SHISA9: variants seen among roughly 807,000 people sequenced by gnomAD.
SHISA9 encodes the protein shisa family member 9, also known as protein shisa-9.
Under a neutral mutation model 38.0 loss-of-function variants are expected in SHISA9, and 13 were observed. The ratio of observed to expected loss-of-function variants is 0.34; its 90% CI spans 0.22 to 0.54. The LOEUF is 0.54. Ranked by LOEUF, SHISA9 falls within the 20% of genes least tolerant of loss-of-function variation. SHISA9 has a pLI of 0.91. For missense variants in SHISA9, 538 were observed against 575.8 expected, an observed-to-expected ratio of 0.93 and a Z score of 0.67; for synonymous variants, 275 against 242.0, an observed-to-expected ratio of 1.14 and a Z score of -1.27.
intron 2 of SHISA9, among the ~76,000 whole-genome samples, chr16:13,175,307 C>A (rs1002822425): frequency 3.9e-5 from 6 of 152,098 alleles, no homozygotes; most frequent in African/African-American, 1.4e-4. Flanking sequence ...GAGGATCGCT[C>A]AAGTCCAGGA....
At chr16:13,219,280 C>T (rs2142071942) in intron 4 of SHISA9, among the ~76,000 whole-genome samples, 1 of 152,324 alleles carries the variant, frequency 6.6e-6, no homozygotes, top group Admixed American at 6.5e-5. Context: ...GTGACACTCA[C>T]AGCACACACA....
At chr16:13,387,331 G>C in the SHISA9 span, among the ~76,000 whole-genome samples, 1 of 152,088 alleles carries the variant, frequency 6.6e-6, no homozygotes, top group Admixed American at 6.6e-5. Context: ...AATATAACTT[G>C]TGTTCTTATC....
chr16:12,938,392 A>G (rs532938322), intron 2 of SHISA9, among the ~76,000 whole-genome samples: 6 of 152,176 alleles, frequency 3.9e-5, no homozygotes, highest in South Asian at 2.1e-4. Flanking sequence ...TAATCGATCT[A>G]TCTGTTTCTT....
chr16:13,264,128 C>T, the SHISA9 span, among the ~76,000 whole-genome samples: 1 of 150,976 alleles, frequency 6.6e-6, no homozygotes, highest in Non-Finnish European at 1.5e-5. Context: ...TCTGCTTCTA[C>T]AACTCAATAG....
intron 2 of SHISA9, among the ~76,000 whole-genome samples, chr16:12,988,711 G>C (rs923651701): frequency 6.6e-6 from 1 of 152,022 alleles, no homozygotes; most frequent in African/African-American, 2.4e-5. Context: ...TTTTAGTAGA[G>C]ACAGGGTTTC....
chr16:13,440,874 A>G, the SHISA9 span, among the ~76,000 whole-genome samples: 1 of 151,890 alleles, frequency 6.6e-6, no homozygotes, highest in African/African-American at 2.4e-5. Flanking sequence ...GTGAGCTGAG[A>G]TCGTGCCACT....
chr16:13,292,853 G>A, the SHISA9 span, among the ~76,000 whole-genome samples: 1,685 of 152,214 alleles, frequency 0.011, 33 homozygotes, highest in African/African-American at 0.038. Context: ...TTGAATGAGG[G>A]CACTGCTTCC....
rs201195068 is a variant in SHISA9 at position 12,938,505 on chromosome 16, T to TC, written c.691+21690_691+21691insC. Among the ~76,000 whole-genome samples, 871 of 149,668 alleles carry TC rather than the reference T, an allele frequency of 5.8e-3. 3 individuals are homozygous for TC. Among genetic ancestry groups the TC allele is most frequent in the Middle Eastern group, 0.035 (10 of 288 alleles). On this transcript the variant is annotated intron_variant, in intron 2 of 4. Coordinates refer to ENST00000558583, the MANE Select transcript of SHISA9 (RefSeq NM_001145204.3). ...GGCTAATTCTCTCTCTCTCTCTCTC[T>TC]TTTTTTTTTGAGATGGAGTTTCACT... is the stretch of plus-strand genomic sequence containing the variant.
intron 2 of SHISA9, among the ~76,000 whole-genome samples, chr16:12,958,852 C>T (rs1475439876): frequency 1.3e-5 from 2 of 152,078 alleles, no homozygotes; most frequent in Non-Finnish European, 2.9e-5. Context: ...AACAAATACT[C>T]CCCCCACCCC....
At chr16:12,914,011 G>A (rs1015807564) in intron 1 of SHISA9, among the ~76,000 whole-genome samples, 2 of 150,714 alleles carry the variant, frequency 1.3e-5, no homozygotes, top group Non-Finnish European at 3.0e-5. Flanking sequence ...TTGATTTGCA[G>A]CCCTCGTTTA....
At chr16:13,064,431 C>G (rs550959692) in intron 2 of SHISA9, among the ~76,000 whole-genome samples, 1 of 152,074 alleles carries the variant, frequency 6.6e-6, no homozygotes, top group Non-Finnish European at 1.5e-5. Context: ...CACTGACAAA[C>G]CTGCACATGT....
At chr16:13,167,019 G>C (rs1341386856) in intron 2 of SHISA9, among the ~76,000 whole-genome samples, 2 of 150,392 alleles carry the variant, frequency 1.3e-5, no homozygotes, top group African/African-American at 4.9e-5. Flanking sequence ...TCCTTTAGGA[G>C]AATTTTTTTT....
At chr16:13,408,629 G>A in the SHISA9 span, among the ~76,000 whole-genome samples, 8 of 152,200 alleles carry the variant, frequency 5.3e-5, no homozygotes, top group Non-Finnish European at 1.0e-4. Flanking sequence ...ATCAAACTTA[G>A]GAAAAGCTCT....
chr16:13,276,425 G>T, the SHISA9 span, among the ~76,000 whole-genome samples: 1 of 152,058 alleles, frequency 6.6e-6, no homozygotes, highest in Non-Finnish European at 1.5e-5. Context: ...CCTCTGGGTA[G>T]ATAGCCAGTA....
chr16:13,397,939 C>T, the SHISA9 span, among the ~76,000 whole-genome samples: 32 of 152,130 alleles, frequency 2.1e-4, no homozygotes, highest in African/African-American at 7.7e-4. Context: ...AGCGGGGAGC[C>T]AGAAGGGAGA....
At chr16:12,942,275 C>G (rs553636325) in intron 2 of SHISA9, among the ~76,000 whole-genome samples, 1 of 152,260 alleles carries the variant, frequency 6.6e-6, no homozygotes, top group Admixed American at 6.5e-5. Flanking sequence ...GAAGTTGGTA[C>G]AAATGAGCTT....
At position 13,235,451 on chromosome 16, in the gene SHISA9, A is replaced by C. The variant is rs1323427287; in HGVS notation, c.*42A>C. 3.3e-6 allele frequency: 5 copies of C among 1,493,972 alleles called. No homozygotes were observed. Among genetic ancestry groups the C allele is most frequent in the Non-Finnish European group, 4.4e-6 (5 of 1,125,136 alleles). The allele number at this position is 1,493,972 out of a possible 1,614,324, so 92.5% of individuals were successfully genotyped here. On this transcript the variant is annotated 3_prime_UTR_variant, in exon 5 of 5. Transcript: ENST00000558583. ...GCACCCTGGAGACCACACTCAACTG[A>C]GAGAGGCAAAAAACAACCCCGCCCA...
chr16:13,115,142 T>G (rs2141971387), intron 2 of SHISA9, among the ~76,000 whole-genome samples: 1 of 152,354 alleles, frequency 6.6e-6, no homozygotes, highest in Non-Finnish European at 1.5e-5. Flanking sequence ...TCAGTTTTCT[T>G]GCCTGATTCC....
the SHISA9 span, among the ~76,000 whole-genome samples, chr16:13,481,061 C>G: frequency 1.5e-3 from 235 of 152,324 alleles, 4 homozygotes; most frequent in African/African-American, 5.6e-3. Context: ...GCTGGAAAGA[C>G]ACCAAAGAGT....
Sources: allele counts gnomAD v4.1 joint callset (sites outside exome capture counted in the v4.1 genomes callset), GRCh38; gene constraint gnomAD v4.1.1; transcripts MANE v1.5; gene names NCBI Gene and HGNC (gene_info 2026-07-23, HGNC 2026-07-21).